The following ACOX2 variants were observed in gnomAD, a reference collection of about 807,000 sequenced individuals.
ACOX2 encodes the protein acyl-CoA oxidase 2, also known as peroxisomal acyl-coenzyme A oxidase 2.
In ACOX2, 59 loss-of-function variants were observed where a neutral mutation model predicts 77.5. The ratio of observed to expected loss-of-function variants is 0.76; its 90% CI spans 0.62 to 0.95. The LOEUF is 0.95. Among genes scored for constraint, ACOX2 ranks in the 40% least tolerant of loss-of-function variants. ACOX2 has a pLI of 0.00. For synonymous variants in ACOX2, 317 were observed against 340.1 expected (o/e 0.93, Z 0.75); for missense variants, 837 against 880.4 (o/e 0.95, Z 0.62).
rs151149918 is a variant in ACOX2, at chr3:58,505,735, TTGTG to T, written c.1984-453_1984-450del. Among the ~76,000 whole-genome samples the T allele has an allele frequency of 1.6e-4, 24 of 151,430 alleles. No homozygotes were observed. Among genetic ancestry groups the T allele is most frequent in the Non-Finnish European group, 3.4e-4 (23 of 67,822 alleles). ...AGTCTCATCTTTTATAATATTTACT[TTGTG>T]TGTGTGTGTGTGCCTGTCTACACTA... On this transcript the variant is annotated intron_variant, in intron 14 of 14. Coordinates refer to ENST00000302819, the MANE Select transcript of ACOX2 (RefSeq NM_003500.4). The surrounding 1 kb of genome is among the most constrained non-coding windows in gnomAD (Gnocchi z 4.4).
Position 58,535,199 on chromosome 3 carries a change from T to G in ACOX2, c.-91-2A>C. 1.3e-6 allele frequency: 2 copies of G among 1,530,146 alleles called. No individual in the cohort carries two copies. The highest frequency in any genetic ancestry group is 1.8e-6 in the Non-Finnish European group (2 of 1,112,266). 94.8% of individuals were successfully genotyped at this position (1,530,146 alleles called of 1,614,324 possible). On this transcript the variant is annotated splice_acceptor_variant, in intron 1 of 14. Coordinates refer to ENST00000302819, the MANE Select transcript of ACOX2 (RefSeq NM_003500.4). LOFTEE classifies it low-confidence loss of function (5UTR_SPLICE). The surrounding 1 kb of genome is among the most constrained non-coding windows in gnomAD (Gnocchi z 4.8). The stretch of plus-strand genomic sequence containing the variant: ...TCAGCATTGGTCAGTGCAAAGAACC[T>G]GTGTGCAAGAGGAACTGCCTAGGGC...
rs911390954 is a variant in ACOX2 at position 58,521,795 on chromosome 3, T to C, written c.1632+701A>G. Among the ~76,000 whole-genome samples the C allele has an allele frequency of 2.6e-5, 4 of 152,260 alleles. No individual in the cohort carries two copies. The highest frequency in any genetic ancestry group is 3.4e-3 in the Middle Eastern group (1 of 294). ...TTCTCCTTAGGTCCTCCTTGGGAGA[T>C]TTGCACTTCCTCCCAAGCACACCAG... On this transcript the variant is annotated intron_variant, in intron 12 of 14. Transcript: ENST00000302819. This position sits in a 1 kb window ranked among gnomAD's most constrained non-coding sequence, Gnocchi z 4.8.
chr3:58,531,214 AG>A lies in ACOX2; in HGVS notation c.819+36del. 1 of 1,586,430 alleles carries A rather than the reference AG, an allele frequency of 6.3e-7. No homozygotes were observed. Among genetic ancestry groups the A allele is most frequent in the Non-Finnish European group, 8.6e-7 (1 of 1,159,752 alleles). On this transcript the variant is annotated intron_variant, in intron 7 of 14. Coordinates refer to ENST00000302819, the MANE Select transcript of ACOX2 (RefSeq NM_003500.4). This position sits in a 1 kb window ranked among gnomAD's most constrained non-coding sequence, Gnocchi z 5.8. ...TGCACAAAGCGCAGGTCCCCTCTCC[AG>A]GAAGTACAAGTCCCCGGCCTCCCCA...
rs1409782370 is a variant in ACOX2, at chr3:58,527,510, T to C, written c.1156-854A>G. ...AAGATTGTACCACTGCACTCCAGCC[T>C]GGGTGACAGAGTGAGACTGTCTCAG... On this transcript the variant is annotated intron_variant, in intron 9 of 14. Transcript: ENST00000302819. Among the ~76,000 whole-genome samples, 3 of 139,678 alleles carry C rather than the reference T, an allele frequency of 2.1e-5. No homozygotes were observed. The Admixed American group carries it at 2.2e-4, about 10-fold the overall frequency. The allele number at this position is 139,678 out of a possible 152,430, so 91.6% of individuals were successfully genotyped here. A position where few individuals can be genotyped will look rare whatever the true frequency, so the allele number is the denominator to read the frequency against.
rs2063227461 is a variant in ACOX2, at chr3:58,505,420, G to T, written c.1984-134C>A. 1 of 707,164 alleles carries T rather than the reference G, an allele frequency of 1.4e-6. No homozygotes were observed. Among genetic ancestry groups the T allele is most frequent in the Non-Finnish European group, 2.2e-6 (1 of 459,714 alleles). The allele number at this position is 707,164 out of a possible 1,614,324, so 43.8% of individuals were successfully genotyped here. ...TCTTAATTTTAAAAATTATTTCTAAGACTCATTTTGTGTGAACATATGGAG... is the reference window on the plus strand; with the variant it reads ...TCTTAATTTTAAAAATTATTTCTAATACTCATTTTGTGTGAACATATGGAG... On this transcript the variant is annotated intron_variant, in intron 14 of 14. Coordinates refer to ENST00000302819, the MANE Select transcript of ACOX2 (RefSeq NM_003500.4). The surrounding 1 kb of genome is among the most constrained non-coding windows in gnomAD (Gnocchi z 4.4).
Position 58,522,628 on chromosome 3 carries a change from G to A in ACOX2, c.1527-27C>T. ...TGAAAGCCAAAGCAAAAAAGGTTCAGCTTCCTGACTGAGTGGAAAAGACAA... is the reference window on the plus strand; with the variant it reads ...TGAAAGCCAAAGCAAAAAAGGTTCAACTTCCTGACTGAGTGGAAAAGACAA... On this transcript the variant is annotated intron_variant, in intron 11 of 14. Transcript: ENST00000302819. This position sits in a 1 kb window ranked among gnomAD's most constrained non-coding sequence, Gnocchi z 4.3. The A allele has an allele frequency of 1.2e-6, 2 of 1,605,230 alleles. No homozygotes were observed. The highest frequency in any genetic ancestry group is 1.7e-6 in the Non-Finnish European group (2 of 1,171,950).
In ACOX2 at chr3:58,530,615, G is replaced by C; in HGVS notation, c.843C>G (p.Val281=). The C allele has an allele frequency of 6.2e-7, 1 of 1,614,182 alleles. No homozygotes were observed. Among genetic ancestry groups the C allele is most frequent in the African/African-American group, 1.3e-5 (1 of 75,066 alleles). The change falls in exon 8 of 15, where the codon GTC becomes GTG. Residue 281 remains valine, a synonymous_variant. Coordinates refer to ENST00000302819, the MANE Select transcript of ACOX2 (RefSeq NM_003500.4). ...AGTTGCTCTGTGCTGTACCGAGTTT[G>C]ACGTAGGTGCCATCTGGCAAGACCT... ...FAQVLPDGTY[V]KLGTAQSNYL...
In ACOX2 at chr3:58,515,974, CT is replaced by C. The variant is rs559395793; in HGVS notation, c.1850+1231del. 1.7e-3 allele frequency among the ~76,000 whole-genome samples: 207 copies of C among 122,498 alleles called. No homozygotes were observed. The highest frequency in any genetic ancestry group is 5.5e-3 in the African/African-American group (179 of 32,302). 80.4% of individuals were successfully genotyped at this position (122,498 alleles called of 152,430 possible). A position where few individuals can be genotyped will look rare whatever the true frequency, so the allele number is the denominator to read the frequency against. ...GTGGGGTTTTGCCATGTTGCCCAGG[CT>C]TTTTTTTTTCTTTATTGTTTTTATT... On this transcript the variant is annotated intron_variant, in intron 13 of 14. Transcript: ENST00000302819. This position sits in a 1 kb window ranked among gnomAD's most constrained non-coding sequence, Gnocchi z 4.0.
chr3:58,533,223 T>C lies in ACOX2; in HGVS notation c.583+222A>G, dbSNP rs2063454100. 6.6e-6 allele frequency among the ~76,000 whole-genome samples: 1 copy of C among 152,124 alleles called. No individual in the cohort carries two copies. Among genetic ancestry groups the C allele is most frequent in the South Asian group, 2.1e-4 (1 of 4,830 alleles). On this transcript the variant is annotated intron_variant, in intron 5 of 14. Transcript: ENST00000302819. The surrounding 1 kb of genome is among the most constrained non-coding windows in gnomAD (Gnocchi z 5.6). ...TTGTCTCCTCTACTTCAAAGTTCCT[T>C]TGGGGACTTTCCAGCCACTCACTAA...
In ACOX2 at chr3:58,524,450, G is replaced by A. The variant is rs376964394; in HGVS notation, c.1502C>T (p.Thr501Met). 100 of 1,613,968 alleles carry A rather than the reference G, an allele frequency of 6.2e-5. No individual in the cohort carries two copies. The highest frequency in any genetic ancestry group is 1.6e-4 in the Middle Eastern group (1 of 6,080). Residue 501 changes from threonine (T) to methionine (M), a missense_variant, in exon 11 of 15, where the codon ACG (threonine) becomes ATG (methionine). Transcript: ENST00000302819. This position sits in a 1 kb window ranked among gnomAD's most constrained non-coding sequence, Gnocchi z 5.5. ...CCTTACTGCCACATGTGCCCAGGCC[G>A]TGGTGTAGAGCTCCGGGCAGAGGAA... ...ADFLCPELYT[T>M]AWAHVAVRLI...
rs924203918 is a variant in ACOX2 at position 58,535,363 on chromosome 3, C to T, written c.-91-166G>A. On this transcript the variant is annotated intron_variant, in intron 1 of 14. Transcript: ENST00000302819. This position sits in a 1 kb window ranked among gnomAD's most constrained non-coding sequence, Gnocchi z 4.8. ...TGGTAGGCATGGTATGCAGCCATTGCTTGGTACATGTTTGTTCAATACTTG... is the reference window on the plus strand; with the variant it reads ...TGGTAGGCATGGTATGCAGCCATTGTTTGGTACATGTTTGTTCAATACTTG... 1.1e-5 allele frequency: 6 copies of T among 541,004 alleles called. No homozygotes were observed. The African/African-American group carries it at 1.1e-4, about 10-fold the overall frequency. The allele number at this position is 541,004 out of a possible 1,614,324, so 33.5% of individuals were successfully genotyped here.
In ACOX2 at chr3:58,523,074, A is replaced by G. The variant is rs2063370932; in HGVS notation, c.1527-473T>C. On this transcript the variant is annotated intron_variant, in intron 11 of 14. Transcript: ENST00000302819. The surrounding 1 kb of genome is among the most constrained non-coding windows in gnomAD (Gnocchi z 5.3). ...GCCTGCTGCAGGTTCTACCCAAGGG[A>G]CCTAAAAACAAAAAGAGAAAACCAA... 1 of 155,244 alleles carries G rather than the reference A, an allele frequency of 6.4e-6. No individual in the cohort carries two copies. The highest frequency in any genetic ancestry group is 1.4e-5 in the Non-Finnish European group (1 of 69,702). 9.6% of individuals were successfully genotyped at this position (155,244 alleles called of 1,614,324 possible).
At chr3:58,516,835 T>TA (rs1037286553) in intron 13 of ACOX2, among the ~76,000 whole-genome samples, 11 of 150,112 alleles carry the variant, frequency 7.3e-5, no homozygotes, top group Admixed American at 2.7e-4. Context: ...AGTCCCTGTC[T>TA]AAAAAAAAAG....
At position 58,522,135 on chromosome 3, in the gene ACOX2, C is replaced by T. The variant is rs562020270; in HGVS notation, c.1632+361G>A. 3.3e-5 allele frequency among the ~76,000 whole-genome samples: 5 copies of T among 152,240 alleles called. No homozygotes were observed. The highest frequency in any genetic ancestry group is 4.4e-5 in the Non-Finnish European group (3 of 68,034). On this transcript the variant is annotated intron_variant, in intron 12 of 14. Coordinates refer to ENST00000302819, the MANE Select transcript of ACOX2 (RefSeq NM_003500.4). This position sits in a 1 kb window ranked among gnomAD's most constrained non-coding sequence, Gnocchi z 4.3. ...AGTGGGTGCTCAAATATTTGCCGAC[C>T]GACTGTGAATTATGCAGAAACACAA...
Position 58,530,490 on chromosome 3 carries a change from C to A in ACOX2, c.968G>T (p.Arg323Leu), listed in dbSNP as rs562573238. 7.4e-6 allele frequency: 12 copies of A among 1,613,956 alleles called. No individual in the cohort carries two copies. In the South Asian group the frequency reaches 1.3e-4, roughly 18 times the overall value. Residue 323 changes from arginine (R) to leucine (L), a missense_variant, in exon 8 of 15, where the codon CGC (arginine) becomes CTC (leucine). Physicochemically the swap from Arg to Leu is moderately radical, Grantham distance 102. Transcript: ENST00000302819. ...CCTGGGCCGGAGCCGGGATTGGCGG[C>A]GGATGACCGAGTAGCGCATGGCGAT... ...CVIAMRYSVI[R>L]RQSRLRPSDP...
In ACOX2 at chr3:58,534,580, A is replaced by T; in HGVS notation, c.161-58T>A. The T allele has an allele frequency of 2.5e-6, 4 of 1,613,030 alleles. No individual in the cohort carries two copies. Among genetic ancestry groups the T allele is most frequent in the Non-Finnish European group, 3.4e-6 (4 of 1,179,816 alleles). ...CCTGGGTGAGGTTTCTGGCACCTTG[A>T]AATCTTCTCACCCACTTGCTTCATG... On this transcript the variant is annotated intron_variant, in intron 2 of 14. Transcript: ENST00000302819. This position sits in a 1 kb window ranked among gnomAD's most constrained non-coding sequence, Gnocchi z 4.8.
Position 58,512,478 on chromosome 3 carries a change from C to A in ACOX2, c.1851-3453G>T, listed in dbSNP as rs1052945613. The stretch of plus-strand genomic sequence containing the variant: ...TCTTTTAGGTTGTGTCTATCCAATG[C>A]TCAAAACCCTCCCATTCTATCCCAT... On this transcript the variant is annotated intron_variant, in intron 13 of 14. Transcript: ENST00000302819. This position sits in a 1 kb window ranked among gnomAD's most constrained non-coding sequence, Gnocchi z 4.8. Among the ~76,000 whole-genome samples the A allele has an allele frequency of 1.3e-5, 2 of 152,188 alleles. No homozygotes were observed. The highest frequency in any genetic ancestry group is 6.5e-5 in the Admixed American group (1 of 15,274).
intron 1 of ACOX2, among the ~76,000 whole-genome samples, chr3:58,536,229 T>A (rs761799574): frequency 6.6e-6 from 1 of 152,144 alleles, no homozygotes; most frequent in Non-Finnish European, 1.5e-5. Context: ...CTGGGTGCTC[T>A]AGGGTTAGGG....
Position 58,531,376 on chromosome 3 carries a change from G to A in ACOX2, c.704-10C>T. On this transcript the variant is annotated splice_polypyrimidine_tract_variant and intron_variant, in intron 6 of 14. Coordinates refer to ENST00000302819, the MANE Select transcript of ACOX2 (RefSeq NM_003500.4). This position sits in a 1 kb window ranked among gnomAD's most constrained non-coding sequence, Gnocchi z 5.8. ...TCCCCAATGATGATTCCTTGAAGGA[G>A]ATGGAGATGAGGACACCTATCAGTT... 6.2e-7 allele frequency: 1 copy of A among 1,610,258 alleles called. No individual in the cohort carries two copies. The highest frequency in any genetic ancestry group is 1.1e-5 in the South Asian group (1 of 90,982).
Sources: gnomAD v4.1 joint callset for allele counts (sites outside exome capture counted in the v4.1 genomes callset) on GRCh38, gnomAD v4.1.1 for gene constraint, Gnocchi (gnomAD v3.1) non-coding constraint, MANE v1.5 for transcripts, NCBI Gene and HGNC (gene_info 2026-07-23, HGNC 2026-07-21) for gene names.